Variants in MCPH1 observed in about 807,000 individuals in gnomAD.
MCPH1 encodes microcephalin 1, also known as microcephalin.
In MCPH1, 104 loss-of-function variants were observed where a neutral mutation model predicts 84.5. The observed-to-expected ratio is 1.23, with a 90% confidence interval of 1.05 to 1.45. MCPH1 has a LOEUF of 1.45. Ranked by LOEUF, MCPH1 falls within the 40% of genes most tolerant of loss-of-function variation. The pLI is 0.00. For missense variants in MCPH1, 1,498 were observed against 1,005.7 expected (o/e 1.49, Z -6.62); for synonymous variants, 514 against 366.8 (o/e 1.40, Z -4.58).
At chr8:6,620,841 T>C (rs539680980) in intron 12 of MCPH1, among the ~76,000 whole-genome samples, 1 of 152,274 alleles carries the variant, frequency 6.6e-6, no homozygotes, top group Admixed American at 6.5e-5. Flanking sequence ...TTCTGAAATG[T>C]TTCCCAACAG....
intron 11 of MCPH1, among the ~76,000 whole-genome samples, chr8:6,491,594 T>C (rs1340712022): frequency 6.6e-6 from 1 of 152,048 alleles, no homozygotes; most frequent in African/African-American, 2.4e-5. Context: ...CATTTAGCAT[T>C]AGGTATATCT....
chr8:6,491,258 T>A (rs1212624308), intron 11 of MCPH1, among the ~76,000 whole-genome samples: 1 of 151,522 alleles, frequency 6.6e-6, no homozygotes, highest in Admixed American at 6.6e-5. Flanking sequence ...TTCTGAGAAG[T>A]CAGAGTGCTT....
intron 12 of MCPH1, among the ~76,000 whole-genome samples, chr8:6,522,810 A>G (rs534761730): frequency 6.6e-6 from 1 of 152,104 alleles, no homozygotes; most frequent in South Asian, 2.1e-4. Context: ...TGTAGGAAGA[A>G]TGAATCACAT....
intron 12 of MCPH1, among the ~76,000 whole-genome samples, chr8:6,592,614 CTTTTTTTTGTT>C (rs1276041040): frequency 2.4e-4 from 16 of 65,546 alleles, no homozygotes; most frequent in Non-Finnish European, 3.9e-4. Flanking sequence ...GTTTTTCTTT[CTTTTTTTTGTT>C]TTTTTTTTTT....
chr8:6,561,088 G>C (rs1340782583), intron 12 of MCPH1, among the ~76,000 whole-genome samples: 1 of 152,168 alleles, frequency 6.6e-6, no homozygotes, highest in Non-Finnish European at 1.5e-5. Flanking sequence ...CAGATATTTA[G>C]GATATAGTTT....
intron 12 of MCPH1, among the ~76,000 whole-genome samples, chr8:6,609,828 C>CCCCCCAAACA (rs1475345162): frequency 9.2e-6 from 1 of 108,744 alleles, no homozygotes; most frequent in Non-Finnish European, 2.2e-5. Context: ...CGCCCCCCCC[C>CCCCCCAAACA]CACACACAGA....
At position 6,643,226 on chromosome 8, in the gene MCPH1, ATG is replaced by A; in HGVS notation, c.*179_*180del. 1.5e-6 allele frequency: 1 copy of A among 674,822 alleles called. No homozygotes were observed. 41.8% of individuals were successfully genotyped at this position (674,822 alleles called of 1,614,324 possible). ...TCATAGGTGACTTTCTGATGACTGA[ATG>A]TCTGTTTCAGAGACGCTTCGGGCCT... On this transcript the variant is annotated 3_prime_UTR_variant, in exon 14 of 14. Coordinates refer to ENST00000344683, the MANE Select transcript of MCPH1 (RefSeq NM_024596.5).
At chr8:6,453,269 A>T (rs1474830889) in intron 8 of MCPH1, among the ~76,000 whole-genome samples, 1 of 152,226 alleles carries the variant, frequency 6.6e-6, no homozygotes. Context: ...TACCGATGTC[A>T]ATGTTAAAAC....
At chr8:6,464,632 C>G (rs1806648801) in intron 9 of MCPH1, among the ~76,000 whole-genome samples, 1 of 152,122 alleles carries the variant, frequency 6.6e-6, no homozygotes. Flanking sequence ...TAGAGGCCAC[C>G]GACGGAGGAC....
chr8:6,514,831 A>G (rs1403580655), intron 12 of MCPH1: 5 of 1,406,954 alleles, frequency 3.6e-6, no homozygotes, highest in East Asian at 2.5e-5. Flanking sequence ...CTCCCCCCTT[A>G]CGTAGCAGAA....
At chr8:6,513,145 A>C (rs1237159436) in intron 12 of MCPH1, among the ~76,000 whole-genome samples, 1 of 152,192 alleles carries the variant, frequency 6.6e-6, no homozygotes. Context: ...TTGAAGATAC[A>C]CAGTAAACAC....
intron 12 of MCPH1, among the ~76,000 whole-genome samples, chr8:6,549,379 A>G (rs911205664): frequency 2.0e-5 from 3 of 152,264 alleles, no homozygotes; most frequent in African/African-American, 7.2e-5. Context: ...ATTACATGAC[A>G]TTCAAAACCT....
At chr8:6,607,405 C>T (rs1035384242) in intron 12 of MCPH1, among the ~76,000 whole-genome samples, 2 of 152,206 alleles carry the variant, frequency 1.3e-5, no homozygotes, top group East Asian at 1.9e-4. Flanking sequence ...TCTTCCTTTC[C>T]TTGTGATAAC....
At chr8:6,415,078 C>G (rs984056372) in intron 3 of MCPH1, among the ~76,000 whole-genome samples, 195 bp downstream of exon 3, 6 of 151,960 alleles carry the variant, frequency 3.9e-5, no homozygotes, top group Non-Finnish European at 8.8e-5. Flanking sequence ...ATACCTAACT[C>G]TGCCTAGGGG....
chr8:6,621,328 G>C, intron 12 of MCPH1, 126 bp from the exon 13 acceptor site: 2 of 1,201,822 alleles, frequency 1.7e-6, no homozygotes, highest in Non-Finnish European at 2.4e-6. Context: ...AAATTCACAG[G>C]AGCATGGCAG....
At chr8:6,573,298 T>G (rs1826815064) in intron 12 of MCPH1, among the ~76,000 whole-genome samples, 1 of 152,074 alleles carries the variant, frequency 6.6e-6, no homozygotes, top group Non-Finnish European at 1.5e-5. Flanking sequence ...GAGCAGAAGC[T>G]GCTACAGTAA....
At chr8:6,614,090 C>G (rs763587447) in intron 12 of MCPH1, among the ~76,000 whole-genome samples, 12 of 152,110 alleles carry the variant, frequency 7.9e-5, no homozygotes, top group Non-Finnish European at 1.5e-4. Context: ...GCCACATTGT[C>G]ACGTGTAACT....
intron 3 of MCPH1, among the ~76,000 whole-genome samples, chr8:6,417,403 CT>C (rs1799471118): frequency 4.2e-5 from 1 of 23,976 alleles, no homozygotes; most frequent in Non-Finnish European, 3.3e-4. Context: ...TGGCAGCAAA[CT>C]TTACTTATAA....
chr8:6,594,953 T>A (rs1828809019), intron 12 of MCPH1, among the ~76,000 whole-genome samples: 1 of 152,206 alleles, frequency 6.6e-6, no homozygotes, highest in South Asian at 2.1e-4. Flanking sequence ...TTCTTTAAAA[T>A]CGAAGTTTTT....
Sources: gnomAD v4.1 joint callset for allele counts (sites outside exome capture counted in the v4.1 genomes callset) on GRCh38, gnomAD v4.1.1 for gene constraint, MANE v1.5 for transcripts, NCBI Gene and HGNC (gene_info 2026-07-23, HGNC 2026-07-21) for gene names.